The following SMAD6 variants were observed in gnomAD, a reference collection of about 807,000 sequenced individuals.
SMAD6 encodes MAD homolog 6.
In SMAD6, 103 loss-of-function variants were observed where a neutral mutation model predicts 39.4. The observed-to-expected ratio is 2.62, with a 90% CI of 2.23 to 3.08. The LOEUF is 3.08. SMAD6 is among the 30% of genes most tolerant of loss of function. The pLI is 0.00. For missense variants in SMAD6, 1,104 were observed against 742.9 expected (o/e 1.49, Z -5.65); for synonymous variants, 445 against 353.3 (o/e 1.26, Z -2.91).
chr15:66,758,879 AAAAG>A (rs1894148994), intron 3 of SMAD6, among the ~76,000 whole-genome samples: 1 of 152,256 alleles, frequency 6.6e-6, no homozygotes, highest in East Asian at 1.9e-4. Flanking sequence ...ATGCTAAAGA[AAAAG>A]AAAGCAAGAG....
chr15:66,744,906 G>A (rs1893881476), intron 3 of SMAD6, among the ~76,000 whole-genome samples: 1 of 152,148 alleles, frequency 6.6e-6, no homozygotes, highest in Admixed American at 6.5e-5. Flanking sequence ...TTTTCTTAAG[G>A]GACTAGACTT....
intron 2 of SMAD6, among the ~76,000 whole-genome samples, chr15:66,714,793 C>A (rs1893295716): frequency 6.6e-6 from 1 of 152,078 alleles, no homozygotes; most frequent in African/African-American, 2.4e-5. Context: ...TTGGCAAGGG[C>A]GTGATAGGGA....
At chr15:66,774,270 A>T (rs553317970) in intron 3 of SMAD6, among the ~76,000 whole-genome samples, 11 of 152,280 alleles carry the variant, frequency 7.2e-5, no homozygotes, top group African/African-American at 2.4e-4. Context: ...TTGACAGAGA[A>T]CTGCTGATTC....
intron 3 of SMAD6, among the ~76,000 whole-genome samples, chr15:66,744,253 G>A (rs902522348): frequency 6.6e-6 from 1 of 152,168 alleles, no homozygotes; most frequent in African/African-American, 2.4e-5. Context: ...CCTGCCAGAG[G>A]AAGGGAGGCA....
chr15:66,759,298 A>G (rs1209467538), intron 3 of SMAD6, among the ~76,000 whole-genome samples: 2 of 152,226 alleles, frequency 1.3e-5, no homozygotes, highest in East Asian at 3.9e-4. Flanking sequence ...CTTTATAATC[A>G]TGCTTTCAGA....
In SMAD6 at chr15:66,781,868, A is replaced by G. The variant is rs985218399; in HGVS notation, c.*333A>G. 19 of 398,752 alleles carry G rather than the reference A, an allele frequency of 4.8e-5. No individual in the cohort carries two copies. Among genetic ancestry groups the G allele is most frequent in the Admixed American group, 1.8e-4 (4 of 22,712 alleles). 24.7% of individuals were successfully genotyped at this position (398,752 alleles called of 1,614,324 possible). ...TTCCTTACTTTTTATATATATATAT[A>G]AAGAAAATGATACAGCAGAGCTAGG... On this transcript the variant is annotated 3_prime_UTR_variant, in exon 4 of 4. Coordinates refer to ENST00000288840, the MANE Select transcript of SMAD6 (RefSeq NM_005585.5).
rs990432976 is a variant in SMAD6, at chr15:66,757,508, C to T, written c.953-23489C>T. 5.3e-4 allele frequency among the ~76,000 whole-genome samples: 80 copies of T among 152,278 alleles called. 1 individual carries two copies. Among genetic ancestry groups the T allele is most frequent in the African/African-American group, 1.7e-3 (70 of 41,556 alleles). ...GGGCTGGCTGGAGGCAGAGCTGAACCCAGGCTCACTCCTGAGGGGTGTCCA... is the reference window on the plus strand; with the variant it reads ...GGGCTGGCTGGAGGCAGAGCTGAACTCAGGCTCACTCCTGAGGGGTGTCCA... On this transcript the variant is annotated intron_variant, in intron 3 of 3. Transcript: ENST00000288840.
At chr15:66,753,185 C>T (rs1369930942) in intron 3 of SMAD6, among the ~76,000 whole-genome samples, 3 of 152,182 alleles carry the variant, frequency 2.0e-5, no homozygotes, top group Admixed American at 1.3e-4. Context: ...CCATGCATTT[C>T]CCACAAAGGT....
chr15:66,748,495 C>T (rs1284537881), intron 3 of SMAD6, among the ~76,000 whole-genome samples: 1 of 152,056 alleles, frequency 6.6e-6, no homozygotes, highest in Non-Finnish European at 1.5e-5. Context: ...CATTGGGTTA[C>T]AACAATAAAT....
At chr15:66,763,841 C>T (rs1187862009) in intron 3 of SMAD6, among the ~76,000 whole-genome samples, 1 of 152,246 alleles carries the variant, frequency 6.6e-6, no homozygotes, top group Non-Finnish European at 1.5e-5. Flanking sequence ...TGGCAGAGCC[C>T]CCTGGCCAAA....
chr15:66,705,044 T>A (rs1163133165), intron 1 of SMAD6: 1 of 152,412 alleles, frequency 6.6e-6, no homozygotes, highest in Non-Finnish European at 1.5e-5. Context: ...TGGGAATCCA[T>A]TAGCTGGCAC....
intron 2 of SMAD6, among the ~76,000 whole-genome samples, chr15:66,712,452 A>T (rs1268419862): frequency 6.6e-6 from 1 of 151,930 alleles, no homozygotes. Context: ...GCCAAGGAGG[A>T]CAGATCACTT....
intron 3 of SMAD6, among the ~76,000 whole-genome samples, chr15:66,745,906 G>T (rs1279619723): frequency 6.6e-6 from 1 of 152,208 alleles, no homozygotes; most frequent in African/African-American, 2.4e-5. Context: ...GTTTTCCCCT[G>T]AAGTCCTGTG....
rs566229681 is a variant in SMAD6, at chr15:66,752,651, G to A, written c.953-28346G>A. On this transcript the variant is annotated intron_variant, in intron 3 of 3. Coordinates refer to ENST00000288840, the MANE Select transcript of SMAD6 (RefSeq NM_005585.5). The stretch of plus-strand genomic sequence containing the variant: ...AAAAAATAATAATTAAAAATTAGCT[G>A]GGCGTGGTGGCACATGCCTGTAGTC... Among the ~76,000 whole-genome samples the A allele has an allele frequency of 6.6e-5, 10 of 152,200 alleles. No homozygotes were observed. In the East Asian group the frequency reaches 1.9e-3, roughly 29 times the overall value.
At chr15:66,711,573 G>A in intron 1 of SMAD6, 95 bp from the exon 2 acceptor site, 1 of 981,182 alleles carries the variant, frequency 1.0e-6, no homozygotes, top group Non-Finnish European at 1.6e-6. Flanking sequence ...TGGAGGCTGA[G>A]TTTATTATTT....
At chr15:66,749,581 G>C (rs1337344177) in intron 3 of SMAD6, among the ~76,000 whole-genome samples, 2 of 152,246 alleles carry the variant, frequency 1.3e-5, no homozygotes, top group Admixed American at 1.3e-4. Flanking sequence ...TAGCTCCACT[G>C]TACTCCAGCC....
intron 3 of SMAD6, among the ~76,000 whole-genome samples, chr15:66,748,521 C>T (rs924573914): frequency 5.3e-5 from 8 of 152,072 alleles, no homozygotes; most frequent in African/African-American, 1.9e-4. Context: ...TGAACAGTGC[C>T]CTGAGAAATT....
At position 66,703,745 on chromosome 15, in the gene SMAD6, T is replaced by C. The variant is rs909234168; in HGVS notation, c.487T>C (p.Ser163Pro). Residue 163 changes from serine to proline, a missense_variant, in exon 1 of 4, where the codon TCG becomes CCG. Ser to Pro is a moderately conservative substitution (Grantham distance 74). Transcript: ENST00000288840. ...AGGGRSREAR[S>P]RLLLLEQELK... ...CGGCGGGCGGAGTCGCGAAGCGCGC[T>C]CGCGGCTGCTGCTGCTGGAGCAGGA... The C allele has an allele frequency of 2.2e-6, 3 of 1,383,332 alleles. No homozygotes were observed. Among genetic ancestry groups the C allele is most frequent in the Non-Finnish European group, 1.9e-6 (2 of 1,055,646 alleles). 85.7% of individuals were successfully genotyped at this position (1,383,332 alleles called of 1,614,324 possible). A position where few individuals can be genotyped will look rare whatever the true frequency, so the allele number is the denominator to read the frequency against.
Position 66,748,674 on chromosome 15 carries a change from G to T in SMAD6, c.952+32176G>T, listed in dbSNP as rs543874226. ...CTCTCTTCACTTCATTAGATTGCAA[G>T]GCCCTTTCAGGGGAGGGAGTTCCTA... is the stretch of plus-strand genomic sequence containing the variant. On this transcript the variant is annotated intron_variant, in intron 3 of 3. Transcript: ENST00000288840. Among the ~76,000 whole-genome samples, 3 of 152,264 alleles carry T rather than the reference G, an allele frequency of 2.0e-5. No homozygotes were observed. The East Asian group carries it at 5.8e-4, about 29-fold the overall frequency.
Sources: gnomAD v4.1 joint callset for allele counts (sites outside exome capture counted in the v4.1 genomes callset) on GRCh38, gnomAD v4.1.1 for gene constraint, MANE v1.5 for transcripts, NCBI Gene and HGNC (gene_info 2026-07-23, HGNC 2026-07-21) for gene names.